Variants in PRKCE observed in about 807,000 individuals in gnomAD.
PRKCE encodes the protein protein kinase C epsilon type.
PRKCE carries 16 observed loss-of-function variants against 85.4 expected under a neutral mutation model. The ratio of observed to expected loss-of-function variants is 0.19; its 90% CI spans 0.13 to 0.28. The LOEUF is 0.28. Ranked by LOEUF, PRKCE falls within the 10% of genes least tolerant of loss-of-function variation. PRKCE has a pLI of 1.00. For synonymous variants in PRKCE, 388 were observed against 371.5 expected (o/e 1.04, Z -0.51); for missense variants, 573 against 975.2 (o/e 0.59, Z 5.49).
At chr2:46,023,417 C>T (rs184564648) in intron 10 of PRKCE, among the ~76,000 whole-genome samples, 2 of 152,360 alleles carry the variant, frequency 1.3e-5, no homozygotes, top group Non-Finnish European at 2.9e-5. Context: ...TGACTGACAG[C>T]CACCCCTTTT....
At chr2:45,736,568 C>T (rs1196128239) in intron 1 of PRKCE, among the ~76,000 whole-genome samples, 1 of 152,202 alleles carries the variant, frequency 6.6e-6, no homozygotes, top group Non-Finnish European at 1.5e-5. Flanking sequence ...GAGTCTACTC[C>T]TCGCTCTGAC....
intron 10 of PRKCE, among the ~76,000 whole-genome samples, chr2:46,019,322 AAATGGTC>A (rs1173125583): frequency 6.6e-6 from 1 of 152,148 alleles, no homozygotes. Context: ...TGGCGTGTCT[AAATGGTC>A]CCCATCTGAG....
intron 1 of PRKCE, among the ~76,000 whole-genome samples, chr2:45,671,437 A>G (rs1414776355): frequency 3.3e-5 from 5 of 152,232 alleles, no homozygotes; most frequent in Non-Finnish European, 1.5e-5. Context: ...CTGGCCTAGA[A>G]GGTATTGATA....
At chr2:45,854,790 A>G (rs1692547516) in intron 2 of PRKCE, among the ~76,000 whole-genome samples, 1 of 152,162 alleles carries the variant, frequency 6.6e-6, no homozygotes, top group Non-Finnish European at 1.5e-5. Context: ...AGTAGATGAG[A>G]CCTGGTAGGT....
chr2:45,718,565 A>G (rs1193383189), intron 1 of PRKCE, among the ~76,000 whole-genome samples: 2 of 151,900 alleles, frequency 1.3e-5, no homozygotes, highest in African/African-American at 2.4e-5. Flanking sequence ...GATGGTCTTG[A>G]TCTCCTTACC....
At chr2:45,919,447 T>C (rs1421824655) in intron 2 of PRKCE, among the ~76,000 whole-genome samples, 2 of 152,250 alleles carry the variant, frequency 1.3e-5, no homozygotes, top group Non-Finnish European at 1.5e-5. Context: ...GCCTCTCTTA[T>C]TTGCTGCCTT....
intron 2 of PRKCE, among the ~76,000 whole-genome samples, chr2:45,929,330 T>G (rs1209427264): frequency 6.6e-6 from 1 of 152,224 alleles, no homozygotes; most frequent in African/African-American, 2.4e-5. Flanking sequence ...CAAAGAGCGA[T>G]AGCGGAGCCG....
intron 1 of PRKCE, among the ~76,000 whole-genome samples, chr2:45,732,595 T>C (rs539440164): frequency 1.3e-5 from 2 of 152,326 alleles, no homozygotes; most frequent in African/African-American, 4.8e-5. Flanking sequence ...ATAATCATTA[T>C]AATATCTTAG....
chr2:45,760,516 C>G (rs1260153480), intron 1 of PRKCE, among the ~76,000 whole-genome samples: 1 of 152,134 alleles, frequency 6.6e-6, no homozygotes, highest in African/African-American at 2.4e-5. Context: ...ATAGGTCCAT[C>G]GACAACAAAA....
At chr2:45,745,329 T>G (rs1022071205) in intron 1 of PRKCE, among the ~76,000 whole-genome samples, 1 of 152,162 alleles carries the variant, frequency 6.6e-6, no homozygotes, top group African/African-American at 2.4e-5. Flanking sequence ...CAACTTTCCC[T>G]GCAGTGCCTC....
chr2:46,095,061 C>T (rs569572689), intron 11 of PRKCE, among the ~76,000 whole-genome samples: 1 of 152,332 alleles, frequency 6.6e-6, no homozygotes, highest in South Asian at 2.1e-4. Context: ...TTAAGCCCTT[C>T]AGTTCTAGAA....
intron 6 of PRKCE, among the ~76,000 whole-genome samples, chr2:45,998,516 T>C (rs1230849665): frequency 6.6e-6 from 1 of 152,238 alleles, no homozygotes. Context: ...TCTTACTCTA[T>C]GTCTTTACTT....
intron 1 of PRKCE, among the ~76,000 whole-genome samples, chr2:45,705,566 C>G (rs1679047304): frequency 6.6e-6 from 1 of 152,196 alleles, no homozygotes. Flanking sequence ...GGAGGCATGA[C>G]AAATCTTAAG....
intron 1 of PRKCE, among the ~76,000 whole-genome samples, chr2:45,802,051 A>T (rs1423255966): frequency 6.6e-6 from 1 of 151,730 alleles, no homozygotes; most frequent in East Asian, 1.9e-4. Context: ...GGAGTTCAAG[A>T]ACAACCTGGG....
intron 1 of PRKCE, among the ~76,000 whole-genome samples, chr2:45,824,496 A>G (rs757203298): frequency 6.6e-5 from 10 of 152,084 alleles, no homozygotes; most frequent in East Asian, 5.8e-4. Context: ...CCCTTCCCCA[A>G]TTGAGCTCTT....
intron 1 of PRKCE, among the ~76,000 whole-genome samples, chr2:45,677,537 T>C (rs928247077): frequency 6.6e-6 from 1 of 152,098 alleles, no homozygotes; most frequent in South Asian, 2.1e-4. Context: ...TTTGTATTTT[T>C]AGTAGAGACG....
intron 3 of PRKCE, among the ~76,000 whole-genome samples, chr2:45,977,921 G>A (rs1389497958): frequency 3.3e-5 from 5 of 152,174 alleles, no homozygotes; most frequent in Non-Finnish European, 5.9e-5. Context: ...TGGGGAGAGC[G>A]AGTGAGGCCA....
chr2:45,941,065 T>TAAAAAAAA lies in PRKCE; in HGVS notation c.413-35349_413-35342dup, dbSNP rs397781944. Among the ~76,000 whole-genome samples the TAAAAAAAA allele has an allele frequency of 1.6e-3, 109 of 67,158 alleles. 5 individuals are homozygous for TAAAAAAAA. The highest frequency in any genetic ancestry group is 6.0e-3 in the African/African-American group (100 of 16,710). The allele number at this position is 67,158 out of a possible 152,430, so 44.1% of individuals were successfully genotyped here. On this transcript the variant is annotated intron_variant, in intron 2 of 14. Coordinates refer to ENST00000306156, the MANE Select transcript of PRKCE (RefSeq NM_005400.3). ...TGGGTGACAGAGTGAGACTTCATCC[T>TAAAAAAAA]AAAAAAAAAAAAAAAAAAAAAAGAT... is the stretch of plus-strand genomic sequence containing the variant.
chr2:45,884,982 TATATATATATATATATA>T (rs1695161091), intron 2 of PRKCE, among the ~76,000 whole-genome samples: 3 of 72,224 alleles, frequency 4.2e-5, no homozygotes, highest in East Asian at 1.6e-3. Context: ...TATATATATA[TATATATATATATATATA>T]TATTTGTTGT....
Sources: gnomAD v4.1 joint callset for allele counts (sites outside exome capture counted in the v4.1 genomes callset) on GRCh38, gnomAD v4.1.1 for gene constraint, MANE v1.5 for transcripts, NCBI Gene and HGNC (gene_info 2026-07-23, HGNC 2026-07-21) for gene names.